The following DYNC2H1 variants were observed in gnomAD, a reference collection of about 807,000 sequenced individuals.
DYNC2H1 encodes cytoplasmic dynein 2 heavy chain 1.
A neutral mutation model predicts 570.0 loss-of-function variants in DYNC2H1; 410 were observed. That is an observed-to-expected ratio of 0.72 (90% CI 0.66 to 0.78). The LOEUF is 0.78. Ranked by LOEUF, DYNC2H1 falls within the 30% of genes least tolerant of loss-of-function variation. DYNC2H1 has a pLI of 0.00. For synonymous variants in DYNC2H1, 1,688 were observed against 1,677.6 expected (o/e 1.01, Z -0.15); for missense variants, 4,865 against 5,046.4 (o/e 0.96, Z 1.09).
At chr11:103,159,517 T>A (rs1014274453) in intron 28 of DYNC2H1, among the ~76,000 whole-genome samples, 2 of 152,104 alleles carry the variant, frequency 1.3e-5, no homozygotes, top group African/African-American at 4.8e-5. Flanking sequence ...GAGTCATCCA[T>A]ATAGAAATAA....
chr11:103,453,455 TTAAA>T (rs1227318078), intron 85 of DYNC2H1, among the ~76,000 whole-genome samples: 1 of 151,940 alleles, frequency 6.6e-6, no homozygotes, highest in Non-Finnish European at 1.5e-5. Context: ...ATTTATCTCA[TTAAA>T]TAACACATTT....
At chr11:103,253,670 A>G (rs1303106963) in intron 66 of DYNC2H1, among the ~76,000 whole-genome samples, 1 of 152,152 alleles carries the variant, frequency 6.6e-6, no homozygotes, top group Non-Finnish European at 1.5e-5. Context: ...GCTCCTTTTA[A>G]TATAACTCTA....
Position 103,121,038 on chromosome 11 carries a change from T to TA in DYNC2H1, c.1360+6dup, listed in dbSNP as rs2134716056. ...CAAGACTTGTGGACTCAATTAAAGG[T>TA]AAAAGTTTATGAGATTATAGTGTTT... On this transcript the variant is annotated splice_region_variant and intron_variant, in intron 9 of 88. Coordinates refer to ENST00000375735, the MANE Select transcript of DYNC2H1 (RefSeq NM_001377.3). 3.9e-6 allele frequency: 6 copies of TA among 1,521,350 alleles called. No homozygotes were observed. The highest frequency in any genetic ancestry group is 5.3e-6 in the Non-Finnish European group (6 of 1,126,312). 94.2% of individuals were successfully genotyped at this position (1,521,350 alleles called of 1,614,324 possible).
At chr11:103,320,953 T>G in intron 80 of DYNC2H1, 76 bp from the exon 81 acceptor site, 5 of 1,126,162 alleles carry the variant, frequency 4.4e-6, no homozygotes, top group Non-Finnish European at 6.3e-6. Flanking sequence ...GGCTACATGT[T>G]ATAAATATAA....
Position 103,320,972 on chromosome 11 carries a change from A to G in DYNC2H1, c.11726-57A>G. 3.8e-6 allele frequency: 5 copies of G among 1,326,254 alleles called. No individual in the cohort carries two copies. In the Middle Eastern group the frequency reaches 1.0e-3, roughly 272 times the overall value. 82.2% of individuals were successfully genotyped at this position (1,326,254 alleles called of 1,614,324 possible). A position where few individuals can be genotyped will look rare whatever the true frequency, so the allele number is the denominator to read the frequency against. ...ACATGTTATAAATATAACTCAAGGC[A>G]GGAATTTAGTTAATATTTTAGAAAT... On this transcript the variant is annotated intron_variant, in intron 80 of 88. Transcript: ENST00000375735.
chr11:103,316,047 A>G (rs1937817233), intron 79 of DYNC2H1, among the ~76,000 whole-genome samples: 1 of 152,066 alleles, frequency 6.6e-6, no homozygotes, highest in East Asian at 1.9e-4. Flanking sequence ...CTCTATGAAT[A>G]TTCATTTTAT....
chr11:103,225,752 A>G (rs1215427255), intron 59 of DYNC2H1, among the ~76,000 whole-genome samples: 3 of 152,088 alleles, frequency 2.0e-5, no homozygotes, highest in Non-Finnish European at 2.9e-5. Flanking sequence ...TTGGTTCCAT[A>G]TGAATTTTAG....
intron 65 of DYNC2H1, among the ~76,000 whole-genome samples, chr11:103,251,668 C>A (rs1387813962): frequency 6.6e-6 from 1 of 152,090 alleles, no homozygotes; most frequent in Non-Finnish European, 1.5e-5. Flanking sequence ...ATTTTGTATT[C>A]TTTGACTACA....
chr11:103,283,033 A>T lies in DYNC2H1; in HGVS notation c.10838A>T (p.Gln3613Leu). Reference protein sequence around the residue: ...KADSQQKIRDQLPSWIDQERS... With the variant: ...KADSQQKIRDLLPSWIDQERS... ...GACTCTCAACAAAAAATACGTGATC[A>T]GCTTCCGTCTTGGATAGATCAGGAA... The change falls in exon 73 of 89, where the codon CAG becomes CTG. Residue 3613 changes from glutamine (Q) to leucine (L), a missense_variant. Around this residue, in one of 5 missense-constraint regions of DYNC2H1, gnomAD observed 2,401 missense variants for 2,454.6 expected, o/e 0.98. Coordinates refer to ENST00000375735, the MANE Select transcript of DYNC2H1 (RefSeq NM_001377.3). 2 of 1,604,974 alleles carry T rather than the reference A, an allele frequency of 1.2e-6. No individual in the cohort carries two copies. Among genetic ancestry groups the T allele is most frequent in the Non-Finnish European group, 8.5e-7 (1 of 1,175,744 alleles).
intron 85 of DYNC2H1, among the ~76,000 whole-genome samples, chr11:103,440,094 C>T (rs150362329): frequency 1.5e-4 from 23 of 152,244 alleles, no homozygotes; most frequent in African/African-American, 5.5e-4. Flanking sequence ...CTCAACTACT[C>T]ATAGTTGGAT....
At chr11:103,311,807 A>T in intron 78 of DYNC2H1, 71 bp from the exon 79 acceptor site, 1 of 1,441,258 alleles carries the variant, frequency 6.9e-7, no homozygotes, top group Non-Finnish European at 9.3e-7. Context: ...TATGTTCTTA[A>T]ATATGTTAAA....
At position 103,176,251 on chromosome 11, in the gene DYNC2H1, T is replaced by G. The variant is rs750776941; in HGVS notation, c.5691T>G (p.Ile1897Met). 3 of 1,498,668 alleles carry G rather than the reference T, an allele frequency of 2.0e-6. No individual in the cohort carries two copies. Among genetic ancestry groups the G allele is most frequent in the Non-Finnish European group, 1.8e-6 (2 of 1,128,486 alleles). 92.8% of individuals were successfully genotyped at this position (1,498,668 alleles called of 1,614,324 possible). The change falls in exon 37 of 89, where the codon ATT becomes ATG. Residue 1897 changes from isoleucine (I) to methionine (M), a missense_variant. Physicochemically the swap from Ile to Met is conservative, Grantham distance 10 (BLOSUM62 1). This residue lies in a region of DYNC2H1 where 292 missense variants were observed against 300.2 expected (regional missense o/e 0.97). Coordinates refer to ENST00000375735, the MANE Select transcript of DYNC2H1 (RefSeq NM_001377.3). ...GTTQNANESH[I>M]VVQALRLNTM... The stretch of plus-strand genomic sequence containing the variant: ...TTTTTCTAGCTAATGAAAGTCATAT[T>G]GTGGTACAAGCACTGAGGCTTAATA...
Position 103,158,793 on chromosome 11 carries a change from T to C in DYNC2H1, c.4244T>C (p.Leu1415Ser). The C allele has an allele frequency of 6.8e-7, 1 of 1,470,514 alleles. No homozygotes were observed. The highest frequency in any genetic ancestry group is 9.1e-7 in the Non-Finnish European group (1 of 1,096,600). The allele number at this position is 1,470,514 out of a possible 1,614,324, so 91.1% of individuals were successfully genotyped here. ...LDQLQRCQKSLNEFLEEKRSA... is the reference protein window; with the variant it reads ...LDQLQRCQKSSNEFLEEKRSA... ...CAGCTTCAAAGATGTCAGAAATCAT[T>C]AAATGAATTTTTGGAGGCATGTTTT... Residue 1415 changes from leucine (L) to serine (S), a missense_variant, in exon 27 of 89, where the codon TTA (leucine) becomes TCA (serine). Around this residue, in one of 5 missense-constraint regions of DYNC2H1, gnomAD observed 1,936 missense variants for 1,962.1 expected, o/e 0.99. Coordinates refer to ENST00000375735, the MANE Select transcript of DYNC2H1 (RefSeq NM_001377.3).
rs879727213 is a variant in DYNC2H1 at position 103,186,001 on chromosome 11, G to GTATA, written c.6634-240_6634-237dup. On this transcript the variant is annotated intron_variant, in intron 41 of 88. Coordinates refer to ENST00000375735, the MANE Select transcript of DYNC2H1 (RefSeq NM_001377.3). The surrounding 1 kb of genome is among the most constrained non-coding windows in gnomAD (Gnocchi z 4.5). ...AAATGGAATATATTTATACCTTAGT[G>GTATA]TATAAATAAATATCCACTATGTCAT... Among the ~76,000 whole-genome samples the GTATA allele has an allele frequency of 2.0e-5, 3 of 151,938 alleles. No homozygotes were observed. The highest frequency in any genetic ancestry group is 6.6e-5 in the Admixed American group (1 of 15,218).
chr11:103,147,523 T>C (rs1046424738), intron 18 of DYNC2H1, among the ~76,000 whole-genome samples: 2 of 152,148 alleles, frequency 1.3e-5, no homozygotes, highest in African/African-American at 4.8e-5. Context: ...TACCACCTTT[T>C]TTTGAAGCTG....
chr11:103,230,746 T>C (rs1318247058), intron 59 of DYNC2H1, among the ~76,000 whole-genome samples: 2 of 152,162 alleles, frequency 1.3e-5, no homozygotes, highest in Non-Finnish European at 2.9e-5. Context: ...TAAAAGTTTA[T>C]TGAACTTTGA....
In DYNC2H1 at chr11:103,439,535, GTT is replaced by G. The variant is rs1454735882; in HGVS notation, c.12456+3506_12456+3507del. On this transcript the variant is annotated intron_variant, in intron 85 of 88. Coordinates refer to ENST00000375735, the MANE Select transcript of DYNC2H1 (RefSeq NM_001377.3). This position sits in a 1 kb window ranked among gnomAD's most constrained non-coding sequence, Gnocchi z 4.1. ...ATTTTAAGAAGGAAAGTCAGATTATGTTTTAAAGGGACTGTTTTAGCTGCAGT... is the reference window on the plus strand; with the variant it reads ...ATTTTAAGAAGGAAAGTCAGATTATGTTAAAGGGACTGTTTTAGCTGCAGT... Among the ~76,000 whole-genome samples, 1 of 152,036 alleles carries G rather than the reference GTT, an allele frequency of 6.6e-6. No homozygotes were observed. The highest frequency in any genetic ancestry group is 1.5e-5 in the Non-Finnish European group (1 of 67,986).
At chr11:103,354,573 G>T (rs1239176541) in intron 82 of DYNC2H1, among the ~76,000 whole-genome samples, 2 of 150,728 alleles carry the variant, frequency 1.3e-5, no homozygotes, top group South Asian at 2.1e-4. Context: ...ACTTTTTTTT[G>T]GATGATTTTC....
At position 103,188,421 on chromosome 11, in the gene DYNC2H1, T is replaced by A. The variant is rs966856956; in HGVS notation, c.7141-76T>A. 9.3e-6 allele frequency: 11 copies of A among 1,183,782 alleles called. 1 individual carries two copies. The highest frequency in any genetic ancestry group is 2.9e-4 in the Middle Eastern group (1 of 3,390). The allele number at this position is 1,183,782 out of a possible 1,614,324, so 73.3% of individuals were successfully genotyped here. ...GATTGCATTTAGAAATAATTGAAAC[T>A]TAGGCAAAAATATCCTTTATCATGA... On this transcript the variant is annotated intron_variant, in intron 43 of 88. Transcript: ENST00000375735.
Sources: allele counts gnomAD v4.1 joint callset (sites outside exome capture counted in the v4.1 genomes callset), GRCh38; gene constraint gnomAD v4.1.1; regional missense constraint gnomAD v4.1.1; non-coding constraint Gnocchi (gnomAD v3.1); transcripts MANE v1.5; gene names NCBI Gene and HGNC (gene_info 2026-07-23, HGNC 2026-07-21).